The following CHL1 variants were observed in gnomAD, a reference collection of about 807,000 sequenced individuals.
CHL1 encodes the protein cell adhesion molecule L1 like, also known as neural cell adhesion molecule L1-like protein.
CHL1 carries 96 observed loss-of-function variants against 141.9 expected under a neutral mutation model. That is an observed-to-expected ratio of 0.68 (90% CI 0.57 to 0.80). CHL1 has a LOEUF of 0.80. Ranked by LOEUF, CHL1 falls within the 30% of genes least tolerant of loss-of-function variation. The pLI is 0.00. For synonymous variants in CHL1, 613 were observed against 502.2 expected (o/e 1.22, Z -2.95); for missense variants, 1,820 against 1,457.2 (o/e 1.25, Z -4.05).
intron 1 of CHL1, among the ~76,000 whole-genome samples, chr3:210,563 T>C (rs1328823438): frequency 6.6e-6 from 1 of 152,360 alleles, no homozygotes; most frequent in East Asian, 1.9e-4. Context: ...TTTCACACAG[T>C]GACTCAGGGC....
In CHL1 at chr3:305,599, T is replaced by C. The variant is rs145862470; in HGVS notation, c.-94-14084T>C. 1.7e-3 allele frequency among the ~76,000 whole-genome samples: 255 copies of C among 151,922 alleles called. 2 individuals are homozygous for C. The highest frequency in any genetic ancestry group is 6.0e-3 in the African/African-American group (248 of 41,508). ...GGTCTTTACCTGTTTGTTCTATAGA[T>C]AACACCCTATAACTTGCTTTTTTCA... On this transcript the variant is annotated intron_variant, in intron 2 of 27. Transcript: ENST00000256509.
intron 2 of CHL1, chr3:309,223 C>CAG (rs1241421629): frequency 2.0e-5 from 3 of 152,816 alleles, no homozygotes; most frequent in African/African-American, 7.2e-5. Context: ...TTAGTCCTGG[C>CAG]AGTGCGCACC....
chr3:230,500 A>G (rs565444208), intron 1 of CHL1, among the ~76,000 whole-genome samples: 43 of 150,132 alleles, frequency 2.9e-4, no homozygotes, highest in Non-Finnish European at 5.8e-4. Flanking sequence ...GAAAGTATAA[A>G]CCTTTTTTTT....
At chr3:324,445 T>C (rs368230458) in intron 3 of CHL1, among the ~76,000 whole-genome samples, 4 of 152,152 alleles carry the variant, frequency 2.6e-5, no homozygotes, top group African/African-American at 9.6e-5. Flanking sequence ...AAATATTGAG[T>C]GCTCATCAGC....
At chr3:375,791 G>A (rs1187767784) in intron 15 of CHL1, among the ~76,000 whole-genome samples, 1 of 152,078 alleles carries the variant, frequency 6.6e-6, no homozygotes, top group Non-Finnish European at 1.5e-5. Flanking sequence ...AGATGAATTA[G>A]GCTCAATGTT....
At chr3:250,258 T>C (rs908707666) in intron 2 of CHL1, among the ~76,000 whole-genome samples, 2 of 152,044 alleles carry the variant, frequency 1.3e-5, no homozygotes, top group African/African-American at 4.8e-5. Context: ...AAATTTTATT[T>C]GATATTAGTA....
intron 2 of CHL1, among the ~76,000 whole-genome samples, chr3:315,897 ACT>A (rs1257719908): frequency 2.0e-5 from 3 of 151,732 alleles, no homozygotes; most frequent in Non-Finnish European, 4.4e-5. Flanking sequence ...AAGGAAAACA[ACT>A]CTCTCTCTAG....
At chr3:253,314 G>C (rs1266711564) in intron 2 of CHL1, among the ~76,000 whole-genome samples, 1 of 152,136 alleles carries the variant, frequency 6.6e-6, no homozygotes, top group Non-Finnish European at 1.5e-5. Context: ...GTTAATGCGA[G>C]TTAGGTTGTT....
chr3:379,626 A>G (rs2125379065), intron 16 of CHL1, among the ~76,000 whole-genome samples: 1 of 152,228 alleles, frequency 6.6e-6, no homozygotes, highest in African/African-American at 2.4e-5. Flanking sequence ...CAATTTCCTT[A>G]CAAAATTTAA....
At chr3:277,281 A>G (rs1696230846) in intron 2 of CHL1, among the ~76,000 whole-genome samples, 1 of 152,212 alleles carries the variant, frequency 6.6e-6, no homozygotes, top group Non-Finnish European at 1.5e-5. Flanking sequence ...CTAGAATTAT[A>G]TAATAGTAGC....
intron 2 of CHL1, among the ~76,000 whole-genome samples, chr3:270,489 C>G (rs1021446489): frequency 6.6e-6 from 1 of 152,112 alleles, no homozygotes; most frequent in African/African-American, 2.4e-5. Flanking sequence ...TGACAGATCC[C>G]AGGTGTAGGC....
chr3:212,488 C>A (rs982670915), intron 1 of CHL1, among the ~76,000 whole-genome samples: 1 of 152,182 alleles, frequency 6.6e-6, no homozygotes, highest in African/African-American at 2.4e-5. Flanking sequence ...CACTAGACAC[C>A]TGCAACCTTT....
chr3:356,067 G>T (rs549927017), intron 11 of CHL1, among the ~76,000 whole-genome samples: 42 of 152,240 alleles, frequency 2.8e-4, no homozygotes, highest in African/African-American at 9.4e-4. Flanking sequence ...GGTTGGTATT[G>T]TTTTCCCATA....
chr3:259,422 A>G (rs1450330951), intron 2 of CHL1, among the ~76,000 whole-genome samples: 2 of 152,094 alleles, frequency 1.3e-5, no homozygotes, highest in African/African-American at 4.8e-5. Context: ...ATTTGAAAAT[A>G]TATGAAGTGT....
chr3:281,001 T>C (rs1355522035), intron 2 of CHL1, among the ~76,000 whole-genome samples: 1 of 152,056 alleles, frequency 6.6e-6, no homozygotes, highest in Non-Finnish European at 1.5e-5. Flanking sequence ...ACCCAGTAAT[T>C]CCCAACTGGG....
rs150837773 is a variant in CHL1, at chr3:326,015, G to A, written c.148G>A (p.Asp50Asn). The change falls in exon 4 of 28, where the codon GAT becomes AAT. Residue 50 changes from aspartate to asparagine, a missense_variant. Coordinates refer to ENST00000256509, the MANE Select transcript of CHL1 (RefSeq NM_006614.4). ...AAAAGTCCAAGTTGCCTTTCCCTTCGATGAGTATTTTCAAATTGAATGTGA... is the reference window on the plus strand; with the variant it reads ...AAAAGTCCAAGTTGCCTTTCCCTTCAATGAGTATTTTCAAATTGAATGTGA... ...QSKVQVAFPFDEYFQIECEAK... is the reference protein window; with the variant it reads ...QSKVQVAFPFNEYFQIECEAK... The A allele has an allele frequency of 6.2e-6, 10 of 1,611,392 alleles. No homozygotes were observed. The highest frequency in any genetic ancestry group is 2.7e-5 in the African/African-American group (2 of 74,746).
intron 1 of CHL1, among the ~76,000 whole-genome samples, chr3:240,097 T>C (rs1194454748): frequency 6.6e-6 from 1 of 152,200 alleles, no homozygotes; most frequent in Non-Finnish European, 1.5e-5. Flanking sequence ...TCTTTTCCTC[T>C]GGGTAGATAC....
chr3:250,384 A>G (rs1210813121), intron 2 of CHL1, among the ~76,000 whole-genome samples: 1 of 152,162 alleles, frequency 6.6e-6, no homozygotes, highest in African/African-American at 2.4e-5. Flanking sequence ...TAGAAGTGAC[A>G]AGACAAAGGA....
chr3:362,175 G>C lies in CHL1; in HGVS notation c.1418+365G>C, dbSNP rs1259038503. Among the ~76,000 whole-genome samples, 6 of 152,170 alleles carry C rather than the reference G, an allele frequency of 3.9e-5. No individual in the cohort carries two copies. The East Asian group carries it at 1.2e-3, about 29-fold the overall frequency. On this transcript the variant is annotated intron_variant, in intron 13 of 27. Coordinates refer to ENST00000256509, the MANE Select transcript of CHL1 (RefSeq NM_006614.4). ...TGGGATTATCTAAATGATTATCTAA[G>C]CTCGAATTTAATTCCAAATGCATGT...
Sources: gnomAD v4.1 joint callset for allele counts (sites outside exome capture counted in the v4.1 genomes callset) on GRCh38, gnomAD v4.1.1 for gene constraint, MANE v1.5 for transcripts, NCBI Gene and HGNC (gene_info 2026-07-23, HGNC 2026-07-21) for gene names.